Variants in ACVR1 observed in about 807,000 individuals in gnomAD.
ACVR1 encodes the protein activin receptor type-1.
In ACVR1, 38 loss-of-function variants were observed where a neutral mutation model predicts 57.1. The ratio of observed to expected loss-of-function variants is 0.67; its 90% CI spans 0.51 to 0.87. ACVR1 has a LOEUF of 0.87. Among genes scored for constraint, ACVR1 ranks in the 40% least tolerant of loss-of-function variants. The probability of loss-of-function intolerance (pLI) is 0.00; values close to 1 mark genes in which losing one functional copy is unlikely to be tolerated. For missense variants in ACVR1, 463 were observed against 638.2 expected, an observed-to-expected ratio of 0.73 and a Z score of 2.96; for synonymous variants, 212 against 228.1, an observed-to-expected ratio of 0.93 and a Z score of 0.63.
intron 3 of ACVR1, among the ~76,000 whole-genome samples, chr2:157,791,401 T>A (rs1314049947): frequency 2.0e-5 from 3 of 152,252 alleles, no homozygotes; most frequent in African/African-American, 7.2e-5. Flanking sequence ...TCTAATACCA[T>A]AATTATTATT....
rs1464578854 is a variant in ACVR1, at chr2:157,836,340, G to A, written c.-182-17781C>T. Among the ~76,000 whole-genome samples, 4 of 152,320 alleles carry A rather than the reference G, an allele frequency of 2.6e-5. No individual in the cohort carries two copies. In the East Asian group the frequency reaches 7.7e-4, roughly 29 times the overall value. ...CCAGGCTTGAGATACTGTGGCCACT[G>A]GCCACTTGGTGTGGCCTGAGAGTGA... On this transcript the variant is annotated intron_variant, in intron 1 of 10. Transcript: ENST00000434821.
intron 1 of ACVR1, among the ~76,000 whole-genome samples, chr2:157,866,479 T>C (rs567213291): frequency 7.0e-4 from 107 of 152,148 alleles, no homozygotes; most frequent in Non-Finnish European, 9.0e-4. Flanking sequence ...GAAAAGGACA[T>C]TCCATTCTAA....
chr2:157,775,541 T>C (rs1686248320), intron 5 of ACVR1, among the ~76,000 whole-genome samples: 1 of 152,200 alleles, frequency 6.6e-6, no homozygotes, highest in Non-Finnish European at 1.5e-5. Context: ...AGCACCACTG[T>C]GAAGTACTGT....
intron 6 of ACVR1, among the ~76,000 whole-genome samples, chr2:157,772,253 G>A (rs991292129): frequency 6.6e-6 from 1 of 152,166 alleles, no homozygotes; most frequent in Non-Finnish European, 1.5e-5. Context: ...CCTGGCCATG[G>A]AGCCCCACAA....
chr2:157,774,444 A>C (rs1052765295), intron 5 of ACVR1, among the ~76,000 whole-genome samples: 2 of 152,148 alleles, frequency 1.3e-5, no homozygotes, highest in Non-Finnish European at 2.9e-5. Flanking sequence ...GGTTCACTGC[A>C]ACCTCCACCT....
intron 3 of ACVR1, among the ~76,000 whole-genome samples, chr2:157,787,237 TTTA>T (rs1474216769): frequency 6.6e-6 from 1 of 152,208 alleles, no homozygotes; most frequent in African/African-American, 2.4e-5. Context: ...TTCCATGCCT[TTTA>T]TGATTCTCTG....
chr2:157,798,230 C>T (rs1687191926), intron 3 of ACVR1, among the ~76,000 whole-genome samples: 1 of 151,980 alleles, frequency 6.6e-6, no homozygotes, highest in Admixed American at 6.6e-5. Flanking sequence ...CTTACACTGC[C>T]TTCATGTATA....
At chr2:157,830,180 T>C (rs1012488443) in intron 1 of ACVR1, among the ~76,000 whole-genome samples, 3 of 152,064 alleles carry the variant, frequency 2.0e-5, no homozygotes, top group African/African-American at 7.2e-5. Flanking sequence ...GATCATGCCA[T>C]TGCACTCCAG....
At chr2:157,767,190 C>G (rs891711005) in intron 7 of ACVR1, among the ~76,000 whole-genome samples, 1 of 152,026 alleles carries the variant, frequency 6.6e-6, no homozygotes, top group Non-Finnish European at 1.5e-5. Context: ...CACCATCACG[C>G]CGGGCTAATT....
At chr2:157,778,054 C>T (rs1187783963) in intron 5 of ACVR1, 77 bp downstream of exon 5, 11 of 1,461,032 alleles carry the variant, frequency 7.5e-6, no homozygotes, top group Non-Finnish European at 1.1e-5. Flanking sequence ...TACTGGTTAG[C>T]GTTTCATGCT....
chr2:157,859,885 T>C (rs777654043), intron 1 of ACVR1, among the ~76,000 whole-genome samples: 1 of 152,200 alleles, frequency 6.6e-6, no homozygotes, highest in Non-Finnish European at 1.5e-5. Flanking sequence ...TTTTGTATTA[T>C]AGATTATACT....
chr2:157,775,665 A>G (rs1349195188), intron 5 of ACVR1, among the ~76,000 whole-genome samples: 2 of 152,304 alleles, frequency 1.3e-5, no homozygotes, highest in Middle Eastern at 3.4e-3. Flanking sequence ...AGAGTTTCAT[A>G]TCTCCCTAAC....
At chr2:157,862,977 A>G (rs1174040464) in intron 1 of ACVR1, among the ~76,000 whole-genome samples, 2 of 150,244 alleles carry the variant, frequency 1.3e-5, no homozygotes, top group African/African-American at 4.9e-5. Context: ...TTCTATGAAT[A>G]TATATAAACC....
chr2:157,772,792 T>C (rs147201518), intron 6 of ACVR1, among the ~76,000 whole-genome samples: 47 of 152,314 alleles, frequency 3.1e-4, no homozygotes, highest in African/African-American at 8.7e-4. Flanking sequence ...TTTCCATCTT[T>C]ATTTTCTCCA....
chr2:157,773,094 G>C (rs778922555), intron 6 of ACVR1, among the ~76,000 whole-genome samples: 11 of 152,254 alleles, frequency 7.2e-5, no homozygotes, highest in Admixed American at 2.0e-4. Context: ...TCCAGCCCTC[G>C]GAAACCATGA....
chr2:157,829,703 T>C (rs1688514259), intron 1 of ACVR1, among the ~76,000 whole-genome samples: 1 of 152,214 alleles, frequency 6.6e-6, no homozygotes, highest in Admixed American at 6.5e-5. Flanking sequence ...ACTCCTATGC[T>C]TCAGGATCAG....
chr2:157,773,969 A>C, intron 6 of ACVR1, 119 bp downstream of exon 6: 1 of 825,570 alleles, frequency 1.2e-6, no homozygotes, highest in Non-Finnish European at 2.0e-6. Context: ...ACCACATCTC[A>C]TAAGTTTAAT....
intron 1 of ACVR1, chr2:157,874,891 T>G (rs555921900): frequency 6.6e-6 from 1 of 152,036 alleles, no homozygotes; most frequent in African/African-American, 2.4e-5. Context: ...AAAGCCAAAT[T>G]CATGACAACT....
intron 2 of ACVR1, 61 bp from the exon 3 acceptor site, chr2:157,799,561 T>G (rs1574079549): frequency 7.6e-7 from 1 of 1,312,760 alleles, no homozygotes; most frequent in Non-Finnish European, 1.1e-6. Flanking sequence ...GGAAGACAAA[T>G]TAAGCATACC....
Sources: gnomAD v4.1 joint callset for allele counts (sites outside exome capture counted in the v4.1 genomes callset) on GRCh38, gnomAD v4.1.1 for gene constraint, MANE v1.5 for transcripts, NCBI Gene and HGNC (gene_info 2026-07-23, HGNC 2026-07-21) for gene names.